DSP: variants seen among roughly 807,000 people sequenced by gnomAD.
DSP encodes 250/210 kDa paraneoplastic pemphigus antigen.
In DSP, 114 loss-of-function variants were observed where a neutral mutation model predicts 290.6. The observed-to-expected ratio is 0.39, with a 90% CI of 0.34 to 0.46. DSP has a LOEUF of 0.46. DSP is among the 20% of genes least tolerant of loss of function. DSP has a pLI of 0.99. For missense variants in DSP, 3,230 were observed against 3,495.8 expected (o/e 0.92, Z 1.92); for synonymous variants, 1,311 against 1,316.4 (o/e 1.00, Z 0.09).
intron 22 of DSP, among the ~76,000 whole-genome samples, chr6:7,578,845 TTAAAGA>T (rs1759327798): frequency 6.6e-6 from 1 of 152,236 alleles, no homozygotes; most frequent in Non-Finnish European, 1.5e-5. Context: ...TTTCTCTGTG[TTAAAGA>T]TAACATCTTG....
chr6:7,578,688 G>A, intron 22 of DSP, 126 bp downstream of exon 22: 2 of 754,362 alleles, frequency 2.7e-6, no homozygotes, highest in Non-Finnish European at 2.2e-6. Context: ...TAAAGGTTTA[G>A]TGTAATACTG....
In DSP at chr6:7,567,376, C is replaced by T. The variant is rs780626687; in HGVS notation, c.1067C>T (p.Thr356Met). ...CAGGCCTATATGGACACTCTGCAGA[C>T]GCAGTGGAGTTGGATTCTTCAGATC... ...KIEAYMDTLQ[T>M]QWSWILQITK... The change falls in exon 9 of 24, where the codon ACG becomes ATG. Residue 356 changes from threonine (T) to methionine (M), a missense_variant. Physicochemically the swap from Thr to Met is moderately conservative, Grantham distance 81 (BLOSUM62 -1). This residue lies in a region of DSP where 646 missense variants were observed against 684.3 expected (regional missense o/e 0.94). Transcript: ENST00000379802. The T allele has an allele frequency of 2.0e-5, 33 of 1,613,860 alleles. No individual in the cohort carries two copies. Among genetic ancestry groups the T allele is most frequent in the Non-Finnish European group, 2.5e-5 (30 of 1,179,990 alleles).
In DSP at chr6:7,576,386, G is replaced by A. The variant is rs142494121; in HGVS notation, c.2723G>A (p.Arg908His). Residue 908 changes from arginine (R) to histidine (H), a missense_variant, in exon 19 of 24, where the codon CGC becomes CAC. Around this residue, in one of 5 missense-constraint regions of DSP, gnomAD observed 1,714 missense variants for 1,844.5 expected, o/e 0.93. Transcript: ENST00000379802. ...FCKWLYDAKR[R>H]QDSLESMKFG... ...AAGTGGCTCTATGATGCTAAACGCC[G>A]CCAGGATTCCTTAGAATCCATGAAA... 1,423 of 1,614,076 alleles carry A rather than the reference G, an allele frequency of 8.8e-4. 9 individuals are homozygous for A. The Middle Eastern group carries it at 0.021, about 24-fold the overall frequency.
chr6:7,559,498 C>T (rs1241030181), intron 4 of DSP, 98 bp downstream of exon 4: 10 of 1,493,802 alleles, frequency 6.7e-6, no homozygotes, highest in African/African-American at 1.4e-5. Context: ...TCTTCTAGAC[C>T]TCAGGTGGCG....
rs201089481 is a variant in DSP at position 7,582,648 on chromosome 6, A to G, written c.5386A>G (p.Asn1796Asp). 3.2e-5 allele frequency: 51 copies of G among 1,613,340 alleles called. No homozygotes were observed. The highest frequency in any genetic ancestry group is 1.6e-4 in the Middle Eastern group (1 of 6,084). Residue 1796 changes from asparagine to aspartate, a missense_variant, in exon 24 of 24, where the codon AAT becomes GAT. Around this residue, in one of 5 missense-constraint regions of DSP, gnomAD observed 1,714 missense variants for 1,844.5 expected, o/e 0.93. Transcript: ENST00000379802. The surrounding 1 kb of genome is among the most constrained non-coding windows in gnomAD (Gnocchi z 4.2). ...CTTTCTTCTTCAATTCCAGGCATCT[A>G]ATAGGATTCAGGAATCAAAGAATCA... ...KFQKQALEAS[N>D]RIQESKNQCT...
At chr6:7,545,058 C>G (rs1381976417) in intron 1 of DSP, among the ~76,000 whole-genome samples, 6 of 152,144 alleles carry the variant, frequency 3.9e-5, no homozygotes, top group Non-Finnish European at 8.8e-5. Flanking sequence ...AACAAAGTCT[C>G]ACAGTTAGAT....
intron 5 of DSP, among the ~76,000 whole-genome samples, chr6:7,563,063 G>A (rs1758752104): frequency 6.6e-6 from 1 of 152,200 alleles, no homozygotes; most frequent in African/African-American, 2.4e-5. Flanking sequence ...TGTTTCTGCG[G>A]TAAGCAGAAC....
In DSP at chr6:7,577,775, G is replaced by A. The variant is rs758303966; in HGVS notation, c.2878-4G>A. ...CACTTTTCTTAAACTTCATTATGCT[G>A]CAGGATTATGAGCTCCAGCTGGCCT... On this transcript the variant is annotated splice_polypyrimidine_tract_variant and splice_region_variant and intron_variant, in intron 20 of 23. Coordinates refer to ENST00000379802, the MANE Select transcript of DSP (RefSeq NM_004415.4). The A allele has an allele frequency of 9.9e-6, 16 of 1,611,626 alleles. No homozygotes were observed. The South Asian group carries it at 1.3e-4, about 13-fold the overall frequency.
intron 2 of DSP, among the ~76,000 whole-genome samples, chr6:7,557,820 T>C (rs1758546439): frequency 2.0e-5 from 3 of 151,932 alleles, no homozygotes; most frequent in Middle Eastern, 3.4e-3. Context: ...AGATTCCCAT[T>C]ATATGAGACT....
Position 7,583,639 on chromosome 6 carries a change from A to G in DSP, c.6377A>G (p.Glu2126Gly), listed in dbSNP as rs755167405. ...AGAGAAACCGGAATGCGCCTGCTGG[A>G]AGCCCAGATTGCTTCAGGGGGTGTA... ...IDRETGMRLL[E>G]AQIASGGVVD... The change falls in exon 24 of 24, where the codon GAA becomes GGA. Residue 2126 changes from glutamate (E) to glycine (G), a missense_variant. By Grantham distance (98) the Glu-to-Gly change is moderately conservative. This residue lies in a region of DSP where 1,714 missense variants were observed against 1,844.5 expected (regional missense o/e 0.93). Transcript: ENST00000379802. The surrounding 1 kb of genome is among the most constrained non-coding windows in gnomAD (Gnocchi z 4.0). 1.9e-6 allele frequency: 3 copies of G among 1,614,204 alleles called. No individual in the cohort carries two copies. The highest frequency in any genetic ancestry group is 2.2e-5 in the South Asian group (2 of 91,082).
intron 1 of DSP, among the ~76,000 whole-genome samples, chr6:7,548,247 A>G (rs761802265): frequency 6.6e-6 from 1 of 152,044 alleles, no homozygotes; most frequent in Non-Finnish European, 1.5e-5. Context: ...AGCCTGGGCA[A>G]CAGAGCGAGA....
Position 7,584,439 on chromosome 6 carries a change from A to C in DSP, c.7177A>C (p.Lys2393Gln), listed in dbSNP as rs770024099. Reference protein sequence around the residue: ...SHRLPVDIAYKRGYFNEELSE... With the variant: ...SHRLPVDIAYQRGYFNEELSE... The stretch of plus-strand genomic sequence containing the variant: ...TCGTTTACCAGTTGACATAGCATAT[A>C]AGAGGGGCTATTTCAATGAGGAACT... The change falls in exon 24 of 24, where the codon AAG becomes CAG. Residue 2393 changes from lysine to glutamine, a missense_variant. Transcript: ENST00000379802. This position sits in a 1 kb window ranked among gnomAD's most constrained non-coding sequence, Gnocchi z 6.4. 3 of 1,614,248 alleles carry C rather than the reference A, an allele frequency of 1.9e-6. No homozygotes were observed. The Admixed American group carries it at 5.0e-5, about 27-fold the overall frequency.
Position 7,549,856 on chromosome 6 carries a change from G to T in DSP, c.171-5862G>T, listed in dbSNP as rs1471128880. Among the ~76,000 whole-genome samples, 3 of 152,232 alleles carry T rather than the reference G, an allele frequency of 2.0e-5. No individual in the cohort carries two copies. In the East Asian group the frequency reaches 5.8e-4, roughly 29 times the overall value. ...AAGAAAGGCAAAGTTAGGGGGCATG[G>T]TCCAAGTGTCTAATGAGCAACATAG... is the stretch of plus-strand genomic sequence containing the variant. On this transcript the variant is annotated intron_variant, in intron 1 of 23. Coordinates refer to ENST00000379802, the MANE Select transcript of DSP (RefSeq NM_004415.4).
chr6:7,545,072 TC>T (rs1758133765), intron 1 of DSP, among the ~76,000 whole-genome samples: 1 of 152,194 alleles, frequency 6.6e-6, no homozygotes, highest in South Asian at 2.1e-4. Context: ...GTTAGATCTT[TC>T]TTTCACCCAT....
Position 7,576,464 on chromosome 6 carries a change from C to T in DSP, c.2793+8C>T. ...TTTTTGAATGAGCAGAAGGTATAAG[C>T]CAACTTTTTGTTCCATAGCTGTTTT... is the stretch of plus-strand genomic sequence containing the variant. On this transcript the variant is annotated splice_region_variant and intron_variant, in intron 19 of 23. Transcript: ENST00000379802. The T allele has an allele frequency of 3.7e-6, 6 of 1,614,008 alleles. No homozygotes were observed. Among genetic ancestry groups the T allele is most frequent in the Non-Finnish European group, 5.1e-6 (6 of 1,179,970 alleles).
chr6:7,585,755 G>T lies in DSP; in HGVS notation c.8493G>T (p.Ser2831=). The T allele has an allele frequency of 6.2e-7, 1 of 1,609,572 alleles. No homozygotes were observed. Among genetic ancestry groups the T allele is most frequent in the Non-Finnish European group, 8.5e-7 (1 of 1,177,592 alleles). ...CGGGGTCCCGCTCCGGCTCCCGCTC[G>T]GGATCTCGCTCCGGATCTCGCTCCG... is the stretch of plus-strand genomic sequence containing the variant. ...SAPGSRSGSR[S]GSRSGSRSGS... The change falls in exon 24 of 24, where the codon TCG becomes TCT. Residue 2831 remains serine, a synonymous_variant. Transcript: ENST00000379802.
In DSP at chr6:7,583,678, A is replaced by T; in HGVS notation, c.6416A>T (p.Asn2139Ile). 2 of 1,614,140 alleles carry T rather than the reference A, an allele frequency of 1.2e-6. No homozygotes were observed. Among genetic ancestry groups the T allele is most frequent in the Non-Finnish European group, 1.7e-6 (2 of 1,180,034 alleles). ...IASGGVVDPV[N>I]SVFLPKDVAL... ...TCAGGGGGTGTAGTAGACCCTGTGA[A>T]CAGTGTCTTTTTGCCAAAAGATGTC... Residue 2139 changes from asparagine to isoleucine, a missense_variant, in exon 24 of 24, where the codon AAC becomes ATC. Coordinates refer to ENST00000379802, the MANE Select transcript of DSP (RefSeq NM_004415.4). This position sits in a 1 kb window ranked among gnomAD's most constrained non-coding sequence, Gnocchi z 4.0.
rs1236464864 is a variant in DSP at position 7,580,585 on chromosome 6, T to C, written c.4395T>C (p.Tyr1465=). 9 of 1,613,844 alleles carry C rather than the reference T, an allele frequency of 5.6e-6. No individual in the cohort carries two copies. The highest frequency in any genetic ancestry group is 2.2e-5 in the East Asian group (1 of 44,876). ...TQMRTEESVR[Y]KQSLDDAAKT... is the part of the protein sequence containing the mutation. ...TGCGAACAGAGGAGAGCGTAAGATA[T>C]AAGCAATCTCTTGATGATGCTGCCA... The change falls in exon 23 of 24, where the codon TAT becomes TAC. Residue 1465 remains tyrosine, a synonymous_variant. Coordinates refer to ENST00000379802, the MANE Select transcript of DSP (RefSeq NM_004415.4). The surrounding 1 kb of genome is among the most constrained non-coding windows in gnomAD (Gnocchi z 4.2).
chr6:7,551,756 C>T (rs995426305), intron 1 of DSP, among the ~76,000 whole-genome samples: 2 of 152,228 alleles, frequency 1.3e-5, no homozygotes, highest in African/African-American at 2.4e-5. Flanking sequence ...AAATCATTTC[C>T]GCTGAACTTC....
Sources: gnomAD v4.1 joint callset for allele counts (sites outside exome capture counted in the v4.1 genomes callset) on GRCh38, gnomAD v4.1.1 for gene constraint, gnomAD v4.1.1 regional missense constraint, Gnocchi (gnomAD v3.1) non-coding constraint, MANE v1.5 for transcripts, NCBI Gene and HGNC (gene_info 2026-07-23, HGNC 2026-07-21) for gene names.